The following POU6F2 variants were observed in gnomAD, a reference collection of about 807,000 sequenced individuals.
POU6F2 encodes the protein POU class 6 homeobox 2.
POU6F2 carries 31 observed loss-of-function variants against 71.3 expected under a neutral mutation model. The observed-to-expected ratio is 0.43, with a 90% CI of 0.33 to 0.59. The LOEUF (loss-of-function observed/expected upper bound fraction) is 0.59. Ranked by LOEUF, POU6F2 falls within the 20% of genes least tolerant of loss-of-function variation. POU6F2 has a pLI of 0.04. For missense variants in POU6F2, 783 were observed against 856.8 expected (o/e 0.91, Z 1.07); for synonymous variants, 347 against 355.7 (o/e 0.98, Z 0.27).
At chr7:39,071,660 C>G (rs1584527917) in intron 1 of POU6F2, among the ~76,000 whole-genome samples, 1 of 21,328 alleles carries the variant, frequency 4.7e-5, no homozygotes, top group African/African-American at 1.6e-4. Flanking sequence ...AAGAAACACA[C>G]ACACACACAC....
At chr7:39,068,566 T>C (rs936288388) in intron 1 of POU6F2, among the ~76,000 whole-genome samples, 1 of 151,714 alleles carries the variant, frequency 6.6e-6, no homozygotes, top group East Asian at 1.9e-4. Flanking sequence ...AGGGAAAATA[T>C]GGCTTTAAAA....
intron 1 of POU6F2, among the ~76,000 whole-genome samples, chr7:39,079,473 G>A (rs995272745): frequency 2.6e-5 from 4 of 151,910 alleles, no homozygotes; most frequent in Admixed American, 2.0e-4. Flanking sequence ...CACCGTGCCC[G>A]GCCAAGTCTC....
chr7:39,077,993 G>A (rs551188271), intron 1 of POU6F2, among the ~76,000 whole-genome samples: 2 of 152,250 alleles, frequency 1.3e-5, no homozygotes, highest in Non-Finnish European at 2.9e-5. Context: ...ACACTTGTAT[G>A]CACAACTATT....
intron 4 of POU6F2, among the ~76,000 whole-genome samples, chr7:39,292,874 G>A (rs891942607): frequency 6.6e-6 from 1 of 152,108 alleles, no homozygotes; most frequent in African/African-American, 2.4e-5. Flanking sequence ...GGGCTGCAGG[G>A]ATGGCTGGGG....
chr7:38,996,822 C>T (rs550463140), intron 1 of POU6F2, among the ~76,000 whole-genome samples: 1 of 152,314 alleles, frequency 6.6e-6, no homozygotes, highest in Admixed American at 6.5e-5. Flanking sequence ...CAAAGGCTGA[C>T]AGCCTTCCAT....
intron 2 of POU6F2, among the ~76,000 whole-genome samples, chr7:39,182,282 G>GT (rs1039583300): frequency 1.3e-5 from 2 of 152,018 alleles, no homozygotes; most frequent in African/African-American, 4.8e-5. Flanking sequence ...GTAAATGCTG[G>GT]TTGCCACTCA....
intron 2 of POU6F2, among the ~76,000 whole-genome samples, chr7:39,173,943 T>C (rs1005878493): frequency 2.6e-5 from 4 of 152,242 alleles, no homozygotes; most frequent in Admixed American, 2.0e-4. Context: ...TCTTCTCAAC[T>C]TCTAATATTC....
At chr7:39,309,893 T>G (rs991208247) in intron 4 of POU6F2, among the ~76,000 whole-genome samples, 2 of 152,232 alleles carry the variant, frequency 1.3e-5, no homozygotes, top group African/African-American at 4.8e-5. Context: ...ATGTGTCATT[T>G]TGTAGTTTTG....
At chr7:39,438,194 T>A (rs1412505444) in intron 7 of POU6F2, among the ~76,000 whole-genome samples, 4 of 131,544 alleles carry the variant, frequency 3.0e-5, no homozygotes, top group Admixed American at 2.9e-4. Flanking sequence ...GAACATGCGA[T>A]GTTTGGTTTT....
intron 4 of POU6F2, among the ~76,000 whole-genome samples, chr7:39,233,809 G>A (rs1584616180): frequency 6.6e-6 from 1 of 152,292 alleles, no homozygotes. Context: ...TTCAGAAAGT[G>A]TAAAACCCGG....
chr7:39,208,429 A>T (rs1348070509), intron 4 of POU6F2, among the ~76,000 whole-genome samples: 6 of 152,188 alleles, frequency 3.9e-5, no homozygotes, highest in African/African-American at 1.4e-4. Context: ...TATATATATA[A>T]AATTAACAAT....
chr7:39,120,080 A>G (rs536975851), intron 2 of POU6F2, among the ~76,000 whole-genome samples: 22 of 152,374 alleles, frequency 1.4e-4, no homozygotes, highest in Middle Eastern at 3.4e-3. Flanking sequence ...ATATCACATC[A>G]CTTAATGACC....
At chr7:39,152,371 G>A (rs1413659188) in intron 2 of POU6F2, among the ~76,000 whole-genome samples, 4 of 152,100 alleles carry the variant, frequency 2.6e-5, no homozygotes, top group East Asian at 1.9e-4. Flanking sequence ...GTCCCCAAAG[G>A]TTCCTGCTTC....
intron 1 of POU6F2, among the ~76,000 whole-genome samples, chr7:39,042,245 T>C (rs1790206839): frequency 6.6e-6 from 1 of 151,984 alleles, no homozygotes; most frequent in East Asian, 1.9e-4. Flanking sequence ...GAATGGTGAC[T>C]CCTGCAATGC....
intron 2 of POU6F2, among the ~76,000 whole-genome samples, chr7:39,153,054 A>T (rs1189873929): frequency 6.6e-6 from 1 of 152,188 alleles, no homozygotes; most frequent in East Asian, 1.9e-4. Flanking sequence ...AGAAATAAGC[A>T]CTGGCTTTTG....
intron 7 of POU6F2, among the ~76,000 whole-genome samples, chr7:39,437,774 C>T (rs1788285346): frequency 6.6e-6 from 1 of 152,110 alleles, no homozygotes; most frequent in Non-Finnish European, 1.5e-5. Context: ...ATAAATTTCC[C>T]CCCTTAACAC....
intron 1 of POU6F2, among the ~76,000 whole-genome samples, chr7:38,989,950 C>G (rs1788563860): frequency 6.6e-6 from 1 of 151,942 alleles, no homozygotes; most frequent in African/African-American, 2.4e-5. Context: ...CTCAGGAACT[C>G]TTTTATCTTT....
At chr7:39,134,088 C>T (rs768359682) in intron 2 of POU6F2, among the ~76,000 whole-genome samples, 10 of 152,058 alleles carry the variant, frequency 6.6e-5, no homozygotes, top group Non-Finnish European at 1.5e-4. Flanking sequence ...TGCTCTCAGG[C>T]TGGTTTCAAA....
chr7:39,063,747 CAA>C (rs1288925750), intron 1 of POU6F2, among the ~76,000 whole-genome samples: 4 of 150,130 alleles, frequency 2.7e-5, no homozygotes, highest in African/African-American at 9.8e-5. Context: ...CAAAAAGAAA[CAA>C]TAATTTTATA....
Sources: gnomAD v4.1 joint callset for allele counts (sites outside exome capture counted in the v4.1 genomes callset) on GRCh38, gnomAD v4.1.1 for gene constraint, MANE v1.5 for transcripts, NCBI Gene and HGNC (gene_info 2026-07-23, HGNC 2026-07-21) for gene names.